Variants in ABCD2 observed in about 807,000 individuals in gnomAD.
ABCD2 encodes the protein ATP binding cassette subfamily D member 2, also known as ATP-binding cassette sub-family D member 2.
Under a neutral mutation model 70.9 loss-of-function variants are expected in ABCD2, and 36 were observed. That is an observed-to-expected ratio of 0.51 (90% CI 0.39 to 0.67). The LOEUF (loss-of-function observed/expected upper bound fraction) is 0.67, where lower values mean the gene tolerates loss of function less well. Among genes scored for constraint, ABCD2 ranks in the 30% least tolerant of loss-of-function variants. ABCD2 has a pLI of 0.00. For missense variants in ABCD2, 729 were observed against 890.2 expected (o/e 0.82, Z 2.30); for synonymous variants, 304 against 306.9 (o/e 0.99, Z 0.10).
chr12:39,569,324 T>C (rs1941410802), intron 9 of ABCD2, among the ~76,000 whole-genome samples: 2 of 152,236 alleles, frequency 1.3e-5, no homozygotes, highest in Non-Finnish European at 2.9e-5. Context: ...GCCTTGGCAA[T>C]GGCGGGCACC....
the ABCD2 span, among the ~76,000 whole-genome samples, chr12:39,537,952 T>A: frequency 1.3e-5 from 2 of 152,006 alleles, no homozygotes; most frequent in East Asian, 3.9e-4. Context: ...GAGAATAGGG[T>A]CTGGAGGCAG....
At chr12:39,591,492 A>G (rs1329877105) in intron 6 of ABCD2, among the ~76,000 whole-genome samples, 3 of 152,104 alleles carry the variant, frequency 2.0e-5, no homozygotes, top group African/African-American at 7.2e-5. Flanking sequence ...TGGGTGAATC[A>G]CCTGAGGTCA....
intron 6 of ABCD2, among the ~76,000 whole-genome samples, chr12:39,597,670 TG>T (rs1378170732): frequency 6.6e-6 from 1 of 152,210 alleles, no homozygotes; most frequent in Non-Finnish European, 1.5e-5. Context: ...TCCAGAATAC[TG>T]TTTTAAAGTA....
intron 6 of ABCD2, among the ~76,000 whole-genome samples, chr12:39,591,580 C>T (rs1477019285): frequency 6.6e-6 from 1 of 151,988 alleles, no homozygotes; most frequent in Non-Finnish European, 1.5e-5. Context: ...GGTGTGGTGG[C>T]ACACACCTGT....
intron 9 of ABCD2, among the ~76,000 whole-genome samples, chr12:39,570,066 A>G (rs1941424575): frequency 6.6e-6 from 1 of 152,186 alleles, no homozygotes; most frequent in South Asian, 2.1e-4. Context: ...TAAAACATTA[A>G]TGTAAGGAAT....
At chr12:39,547,405 G>T (rs965627240), downstream of ABCD2, among the ~76,000 whole-genome samples, 1 of 152,098 alleles carries the variant, frequency 6.6e-6, no homozygotes, top group Non-Finnish European at 1.5e-5. Flanking sequence ...ATTCACAATA[G>T]CCAAGAGGCT....
At position 39,553,732 on chromosome 12, in the gene ABCD2, A is replaced by G. The variant is rs1941120894; in HGVS notation, c.*180T>C. ...AAGTCATAATGACTGACCTTACATAATGCATTTGTTTATTTTCTTCTGAAA... is the reference window on the plus strand; with the variant it reads ...AAGTCATAATGACTGACCTTACATAGTGCATTTGTTTATTTTCTTCTGAAA... On this transcript the variant is annotated 3_prime_UTR_variant, in exon 10 of 10. Coordinates refer to ENST00000308666, the MANE Select transcript of ABCD2 (RefSeq NM_005164.4). 1.7e-6 allele frequency: 1 copy of G among 583,560 alleles called. No homozygotes were observed. The highest frequency in any genetic ancestry group is 3.2e-5 in the Admixed American group (1 of 31,450). The allele number at this position is 583,560 out of a possible 1,614,324, so 36.1% of individuals were successfully genotyped here. A position where few individuals can be genotyped will look rare whatever the true frequency, so the allele number is the denominator to read the frequency against.
intron 9 of ABCD2, among the ~76,000 whole-genome samples, chr12:39,573,134 A>T (rs1310064397): frequency 6.6e-6 from 1 of 152,158 alleles, no homozygotes; most frequent in South Asian, 2.1e-4. Flanking sequence ...GTGCTCAACT[A>T]TTATGATGAT....
the ABCD2 span, among the ~76,000 whole-genome samples, chr12:39,532,311 T>G: frequency 0.011 from 1,663 of 152,288 alleles, 37 homozygotes; most frequent in African/African-American, 0.036. Context: ...GAAAGAGAAT[T>G]GTGCTAGGTA....
downstream of ABCD2, among the ~76,000 whole-genome samples, chr12:39,547,460 G>A (rs1399091745): frequency 6.6e-6 from 1 of 152,086 alleles, no homozygotes; most frequent in Non-Finnish European, 1.5e-5. Flanking sequence ...GTATATACAT[G>A]TACAGGACTG....
chr12:39,619,453 C>T lies in ABCD2; in HGVS notation c.163G>A (p.Ala55Thr), dbSNP rs574474772. Residue 55 changes from alanine to threonine, a missense_variant, in exon 1 of 10, where the codon GCA becomes ACA. By Grantham distance (58) the Ala-to-Thr change is moderately conservative. Transcript: ENST00000308666. ...KQSGHGKKKA[A>T]AYPAAENTEI... Reference sequence around the variant, plus strand: ...GTGTTCTCTGCAGCAGGGTAAGCTGCTGCTTTTTTCTTCCCGTGGCCAGAT... The same window carrying T: ...GTGTTCTCTGCAGCAGGGTAAGCTGTTGCTTTTTTCTTCCCGTGGCCAGAT... The T allele has an allele frequency of 2.8e-5, 45 of 1,614,034 alleles. 1 individual carries two copies. The South Asian group carries it at 4.4e-4, about 16-fold the overall frequency.
chr12:39,551,147 A>G lies in ABCD2; in HGVS notation c.*2765T>C, dbSNP rs556943181. ...TACACATTATCCTGCTTACAAGAAC[A>G]CAAACTGTTTTAGACTCATGCTTGG... is the stretch of plus-strand genomic sequence containing the variant. On this transcript the variant is annotated 3_prime_UTR_variant, in exon 10 of 10. Coordinates refer to ENST00000308666, the MANE Select transcript of ABCD2 (RefSeq NM_005164.4). 1.3e-5 allele frequency: 2 copies of G among 151,768 alleles called. No homozygotes were observed. Among genetic ancestry groups the G allele is most frequent in the East Asian group, 3.9e-4 (2 of 5,186 alleles). 9.4% of individuals were successfully genotyped at this position (151,768 alleles called of 1,614,324 possible).
At chr12:39,546,403 G>A (rs1291178304), downstream of ABCD2, among the ~76,000 whole-genome samples, 1 of 152,074 alleles carries the variant, frequency 6.6e-6, no homozygotes, top group Non-Finnish European at 1.5e-5. Context: ...TAGGTGCCAT[G>A]AATACTAACT....
In ABCD2 at chr12:39,550,466, CA is replaced by C. The variant is rs1941071907; in HGVS notation, c.*3445del. 6.6e-6 allele frequency: 1 copy of C among 151,782 alleles called. No individual in the cohort carries two copies. Among genetic ancestry groups the C allele is most frequent in the Admixed American group, 6.6e-5 (1 of 15,238 alleles). 9.4% of individuals were successfully genotyped at this position (151,782 alleles called of 1,614,324 possible). On this transcript the variant is annotated 3_prime_UTR_variant, in exon 10 of 10. Transcript: ENST00000308666. ...TTTTTCTCATTCATTTTCATTAATACAATTCTGGCTTATAAATAGACCATTG... is the reference window on the plus strand; with the variant it reads ...TTTTTCTCATTCATTTTCATTAATACATTCTGGCTTATAAATAGACCATTG...
chr12:39,605,296 G>A (rs1941954526), intron 3 of ABCD2, among the ~76,000 whole-genome samples: 1 of 151,536 alleles, frequency 6.6e-6, no homozygotes, highest in South Asian at 2.1e-4. Context: ...TTTATTTTTG[G>A]TACCTTTTTC....
At chr12:39,604,125 T>A (rs922806970) in intron 4 of ABCD2, 119 bp from the exon 5 acceptor site, 3 of 691,502 alleles carry the variant, frequency 4.3e-6, no homozygotes, top group African/African-American at 3.7e-5. Context: ...CAGTAATAAA[T>A]CACAGAAACA....
Position 39,551,152 on chromosome 12 carries a change from C to G in ABCD2, c.*2760G>C, listed in dbSNP as rs781772613. 1.3e-5 allele frequency: 2 copies of G among 151,608 alleles called. No individual in the cohort carries two copies. The highest frequency in any genetic ancestry group is 3.0e-5 in the Non-Finnish European group (2 of 67,618). The allele number at this position is 151,608 out of a possible 1,614,324, so 9.4% of individuals were successfully genotyped here. On this transcript the variant is annotated 3_prime_UTR_variant, in exon 10 of 10. Coordinates refer to ENST00000308666, the MANE Select transcript of ABCD2 (RefSeq NM_005164.4). ...ATTATCCTGCTTACAAGAACACAAA[C>G]TGTTTTAGACTCATGCTTGGCATAA...
chr12:39,571,213 C>G (rs988132751), intron 9 of ABCD2, among the ~76,000 whole-genome samples: 4 of 152,092 alleles, frequency 2.6e-5, no homozygotes, highest in Non-Finnish European at 5.9e-5. Flanking sequence ...AGCAATCCCC[C>G]ACTGGGAATA....
the ABCD2 span, among the ~76,000 whole-genome samples, chr12:39,543,790 A>T: frequency 4.9e-3 from 745 of 152,234 alleles, 6 homozygotes; most frequent in African/African-American, 0.017. Context: ...TTATGGATTC[A>T]TTCAGTCATT....
Sources: allele counts gnomAD v4.1 joint callset (sites outside exome capture counted in the v4.1 genomes callset), GRCh38; gene constraint gnomAD v4.1.1; transcripts MANE v1.5; gene names NCBI Gene and HGNC (gene_info 2026-07-23, HGNC 2026-07-21).